The following NKAIN3 variants were observed in gnomAD, a reference collection of about 807,000 sequenced individuals.
The protein encoded by NKAIN3 is sodium/potassium transporting ATPase interacting 3.
Under a neutral mutation model 30.2 loss-of-function variants are expected in NKAIN3, and 25 were observed. That is an observed-to-expected ratio of 0.83 (90% CI 0.60 to 1.16). The LOEUF is 1.16. Ranked by LOEUF, NKAIN3 falls within the 50% of genes most tolerant of loss-of-function variation. The probability of loss-of-function intolerance (pLI) is 0.00; values close to 1 mark genes in which losing one functional copy is unlikely to be tolerated. For missense variants in NKAIN3, 225 were observed against 254.1 expected, an observed-to-expected ratio of 0.89 and a Z score of 0.78; for synonymous variants, 91 against 89.6, an observed-to-expected ratio of 1.02 and a Z score of -0.09.
chr8:62,556,188 G>A (rs923947241), intron 1 of NKAIN3, among the ~76,000 whole-genome samples: 2 of 151,888 alleles, frequency 1.3e-5, no homozygotes, highest in Non-Finnish European at 1.5e-5. Flanking sequence ...CAATAGAACA[G>A]TATACATTAG....
intron 1 of NKAIN3, among the ~76,000 whole-genome samples, chr8:62,327,072 T>C (rs1815166875): frequency 6.6e-6 from 1 of 151,884 alleles, no homozygotes; most frequent in Non-Finnish European, 1.5e-5. Flanking sequence ...TGATTAGTGA[T>C]GGTAAAAAAT....
At chr8:62,711,791 A>AT (rs533073419) in intron 3 of NKAIN3, among the ~76,000 whole-genome samples, 147 of 152,148 alleles carry the variant, frequency 9.7e-4, no homozygotes, top group African/African-American at 3.3e-3. Flanking sequence ...AACTAGTGTG[A>AT]TTTTTTGGGA....
At position 62,598,962 on chromosome 8, in the gene NKAIN3, C is replaced by T. The variant is rs149860777; in HGVS notation, c.273+9168C>T. ...CATCTGCCTCTTTGCCACAGGAAGA[C>T]AGGGTTCAAGATTAGAGGTCTCACT... is the stretch of plus-strand genomic sequence containing the variant. On this transcript the variant is annotated intron_variant, in intron 3 of 6. Transcript: ENST00000623646. 1.3e-3 allele frequency among the ~76,000 whole-genome samples: 201 copies of T among 152,038 alleles called. 2 individuals are homozygous for T. Among genetic ancestry groups the T allele is most frequent in the African/African-American group, 3.4e-3 (143 of 41,504 alleles).
At chr8:62,670,559 G>A (rs1813267321) in intron 3 of NKAIN3, among the ~76,000 whole-genome samples, 1 of 152,116 alleles carries the variant, frequency 6.6e-6, no homozygotes, top group South Asian at 2.1e-4. Context: ...AATGTGTGCT[G>A]CGTTGGTTGG....
intron 1 of NKAIN3, among the ~76,000 whole-genome samples, chr8:62,468,546 A>G (rs1018125631): frequency 1.3e-5 from 2 of 152,238 alleles, no homozygotes; most frequent in East Asian, 3.8e-4. Context: ...TGCATTGGCA[A>G]TGCCTGGACA....
At chr8:62,711,087 G>T (rs1814702485) in intron 3 of NKAIN3, among the ~76,000 whole-genome samples, 1 of 152,052 alleles carries the variant, frequency 6.6e-6, no homozygotes, top group South Asian at 2.1e-4. Context: ...AGCTTGTAGG[G>T]TTCCTACCGA....
At chr8:62,475,117 A>G (rs1407183262) in intron 1 of NKAIN3, among the ~76,000 whole-genome samples, 1 of 152,190 alleles carries the variant, frequency 6.6e-6, no homozygotes, top group Non-Finnish European at 1.5e-5. Flanking sequence ...AAACAAAGAA[A>G]CAAAGAACAG....
rs1177955529 is a variant in NKAIN3, at chr8:62,980,462, T to C, written c.*15055T>C. ...TGCAATTATTTCTACTGTATTCAGA[T>C]AATGATAATACAAATAAGAGTACGA... is the stretch of plus-strand genomic sequence containing the variant. On this transcript the variant is annotated 3_prime_UTR_variant, in exon 7 of 7. Coordinates refer to ENST00000623646, the MANE Select transcript of NKAIN3 (RefSeq NM_001304533.3). 1 of 152,254 alleles carries C rather than the reference T, an allele frequency of 6.6e-6. No homozygotes were observed. The highest frequency in any genetic ancestry group is 1.5e-5 in the Non-Finnish European group (1 of 68,040). 9.4% of individuals were successfully genotyped at this position (152,254 alleles called of 1,614,324 possible).
At chr8:62,696,225 T>C (rs1054551678) in intron 3 of NKAIN3, among the ~76,000 whole-genome samples, 2 of 152,216 alleles carry the variant, frequency 1.3e-5, no homozygotes, top group Non-Finnish European at 1.5e-5. Context: ...CTGTTAAACT[T>C]TTAAATTATT....
intron 3 of NKAIN3, among the ~76,000 whole-genome samples, chr8:62,630,428 A>G (rs751083671): frequency 2.6e-5 from 4 of 152,166 alleles, no homozygotes; most frequent in Non-Finnish European, 5.9e-5. Flanking sequence ...TGGAGAACTG[A>G]GAGTCTTCAT....
Position 62,528,846 on chromosome 8 carries a change from G to A in NKAIN3, c.55-50693G>A, listed in dbSNP as rs376814209. ...TTATTCAGAATACCTGGGAAAGGGC[G>A]AGGAACTGAGTAATATATTGAGTGC... On this transcript the variant is annotated intron_variant, in intron 1 of 6. Coordinates refer to ENST00000623646, the MANE Select transcript of NKAIN3 (RefSeq NM_001304533.3). 2.9e-4 allele frequency among the ~76,000 whole-genome samples: 44 copies of A among 152,252 alleles called. No individual in the cohort carries two copies. In the East Asian group the frequency reaches 5.2e-3, roughly 18 times the overall value.
chr8:62,278,841 G>T (rs901841280), intron 1 of NKAIN3, among the ~76,000 whole-genome samples: 7 of 152,172 alleles, frequency 4.6e-5, no homozygotes, highest in African/African-American at 7.2e-5. Flanking sequence ...ATAAACACAC[G>T]TATGCATGTG....
At chr8:62,508,962 T>A (rs1807731750) in intron 1 of NKAIN3, among the ~76,000 whole-genome samples, 1 of 147,976 alleles carries the variant, frequency 6.8e-6, no homozygotes. Context: ...TCCAGTGACT[T>A]CTCTACGTAG....
At chr8:62,489,206 T>C (rs1450238391) in intron 1 of NKAIN3, among the ~76,000 whole-genome samples, 1 of 151,494 alleles carries the variant, frequency 6.6e-6, no homozygotes, top group African/African-American at 2.4e-5. Flanking sequence ...TTTGTATTTT[T>C]AGTAGAGATG....
intron 1 of NKAIN3, among the ~76,000 whole-genome samples, chr8:62,389,111 G>A (rs527679942): frequency 2.8e-4 from 43 of 152,306 alleles, no homozygotes; most frequent in African/African-American, 9.9e-4. Flanking sequence ...GCTGCTGCAT[G>A]AAAACTAGAA....
chr8:62,750,070 G>A (rs1266913707), intron 4 of NKAIN3, among the ~76,000 whole-genome samples: 2 of 152,052 alleles, frequency 1.3e-5, no homozygotes, highest in East Asian at 1.9e-4. Flanking sequence ...CTGAAAAACA[G>A]GGGTGATGGT....
intron 3 of NKAIN3, among the ~76,000 whole-genome samples, chr8:62,667,698 T>C (rs923453484): frequency 6.6e-6 from 1 of 152,012 alleles, no homozygotes; most frequent in Non-Finnish European, 1.5e-5. Context: ...CAGTGATCTT[T>C]CTAAAAAATA....
At chr8:62,879,231 G>A (rs139976860) in intron 4 of NKAIN3, among the ~76,000 whole-genome samples, 3,445 of 152,270 alleles carry the variant, frequency 0.023, 124 homozygotes, top group African/African-American at 0.079. Flanking sequence ...GTATCTCATT[G>A]TGGTTTTGAT....
chr8:62,801,932 A>T (rs1818078560), intron 4 of NKAIN3, among the ~76,000 whole-genome samples: 1 of 152,230 alleles, frequency 6.6e-6, no homozygotes, highest in Non-Finnish European at 1.5e-5. Flanking sequence ...AAAGGAGCTG[A>T]TGGAGCTGAA....
Sources: allele counts gnomAD v4.1 joint callset (sites outside exome capture counted in the v4.1 genomes callset), GRCh38; gene constraint gnomAD v4.1.1; transcripts MANE v1.5; gene names NCBI Gene and HGNC (gene_info 2026-07-23, HGNC 2026-07-21).